Variants in PDE7B observed in about 807,000 individuals in gnomAD.
The protein encoded by PDE7B is 3',5'-cyclic-AMP phosphodiesterase 7B.
Under a neutral mutation model 56.2 loss-of-function variants are expected in PDE7B, and 29 were observed. The observed-to-expected ratio is 0.52, with a 90% CI of 0.38 to 0.70. The LOEUF (loss-of-function observed/expected upper bound fraction) is 0.70, where lower values mean the gene tolerates loss of function less well. PDE7B is among the 30% of genes least tolerant of loss of function. The pLI is 0.00. For synonymous variants in PDE7B, 197 were observed against 196.9 expected (o/e 1.00, Z 0.00); for missense variants, 490 against 565.0 (o/e 0.87, Z 1.35).
intron 2 of PDE7B, among the ~76,000 whole-genome samples, chr6:135,999,319 A>ATC (rs964899020): frequency 2.8e-4 from 42 of 152,324 alleles, no homozygotes; most frequent in Middle Eastern, 3.4e-3. Flanking sequence ...TAACACAGAT[A>ATC]AACTTGTGTC....
At position 136,192,801 on chromosome 6, in the gene PDE7B, CCTTAA is replaced by C. The variant is rs1284622825; in HGVS notation, c.*965_*969del. The stretch of plus-strand genomic sequence containing the variant: ...ATATACTATTGTTTGCAGATAAAGG[CCTTAA>C]CTTTAAACATCTTTCATCTTCTGAA... On this transcript the variant is annotated 3_prime_UTR_variant, in exon 13 of 13. Transcript: ENST00000308191. 2 of 152,574 alleles carry C rather than the reference CCTTAA, an allele frequency of 1.3e-5. No individual in the cohort carries two copies. The highest frequency in any genetic ancestry group is 4.8e-5 in the African/African-American group (2 of 41,420). The allele number at this position is 152,574 out of a possible 1,614,324, so 9.5% of individuals were successfully genotyped here.
chr6:136,001,787 T>C (rs1418772572), intron 2 of PDE7B, among the ~76,000 whole-genome samples: 2 of 152,048 alleles, frequency 1.3e-5, no homozygotes, highest in African/African-American at 4.8e-5. Flanking sequence ...CAGGATATTA[T>C]CCAGGAGAAC....
intron 2 of PDE7B, chr6:136,095,790 G>C (rs1160837100): frequency 6.6e-6 from 1 of 152,200 alleles, no homozygotes; most frequent in Non-Finnish European, 1.5e-5. Flanking sequence ...TTGTCTCTCA[G>C]AGGATGATAT....
At chr6:135,860,631 T>C (rs909183029) in intron 1 of PDE7B, among the ~76,000 whole-genome samples, 5 of 152,004 alleles carry the variant, frequency 3.3e-5, no homozygotes, top group African/African-American at 1.2e-4. Context: ...TAGATTAAGG[T>C]GTTTCTAATA....
chr6:135,913,966 A>T (rs1413101001), intron 1 of PDE7B, among the ~76,000 whole-genome samples: 3 of 152,184 alleles, frequency 2.0e-5, no homozygotes, highest in Non-Finnish European at 4.4e-5. Context: ...AGTGATTGAC[A>T]TATGTTTTCC....
intron 2 of PDE7B, among the ~76,000 whole-genome samples, chr6:135,978,151 G>A (rs1039301943): frequency 6.6e-6 from 1 of 152,080 alleles, no homozygotes; most frequent in Non-Finnish European, 1.5e-5. Flanking sequence ...TACGCACCCA[G>A]GCTATGTGCT....
chr6:135,990,378 G>A (rs1281275324), intron 2 of PDE7B, among the ~76,000 whole-genome samples: 10 of 152,170 alleles, frequency 6.6e-5, no homozygotes, highest in Non-Finnish European at 1.3e-4. Context: ...TTACAGGCGT[G>A]AGCTACTATG....
intron 1 of PDE7B, among the ~76,000 whole-genome samples, chr6:135,935,089 T>TG (rs1774387616): frequency 9.3e-5 from 8 of 86,354 alleles, no homozygotes; most frequent in African/African-American, 4.1e-4. Context: ...AATAAATATA[T>TG]AATATATATT....
At chr6:136,144,700 G>A (rs1778386335) in intron 3 of PDE7B, among the ~76,000 whole-genome samples, 1 of 133,628 alleles carries the variant, frequency 7.5e-6, no homozygotes, top group Non-Finnish European at 1.7e-5. Flanking sequence ...ACCTAAGGCT[G>A]TCTTTGTCTT....
At chr6:136,163,447 C>G (rs1351846563) in intron 8 of PDE7B, among the ~76,000 whole-genome samples, 2 of 152,226 alleles carry the variant, frequency 1.3e-5, no homozygotes, top group South Asian at 2.1e-4. Context: ...GCCCTAGGCC[C>G]TGGCCCAGGA....
chr6:135,977,566 G>A (rs1775208268), intron 2 of PDE7B, among the ~76,000 whole-genome samples: 1 of 152,130 alleles, frequency 6.6e-6, no homozygotes, highest in South Asian at 2.1e-4. Flanking sequence ...CCATACCCTT[G>A]TCAAAGGAGG....
intron 1 of PDE7B, among the ~76,000 whole-genome samples, chr6:135,938,858 G>A (rs1483574005): frequency 6.6e-6 from 1 of 152,186 alleles, no homozygotes; most frequent in Non-Finnish European, 1.5e-5. Context: ...CTGCATTTTG[G>A]AAGTTTGCTT....
chr6:136,010,879 TG>T (rs1775880608), intron 2 of PDE7B, among the ~76,000 whole-genome samples: 1 of 152,272 alleles, frequency 6.6e-6, no homozygotes, highest in African/African-American at 2.4e-5. Flanking sequence ...GTCTGAGTTC[TG>T]ATGGGCTGTT....
chr6:135,963,797 T>C (rs1774946853), intron 2 of PDE7B, among the ~76,000 whole-genome samples: 1 of 152,182 alleles, frequency 6.6e-6, no homozygotes, highest in South Asian at 2.1e-4. Flanking sequence ...ACTTGATTTG[T>C]CTTTAGAGTG....
chr6:136,108,963 C>G (rs1777701746), intron 3 of PDE7B, 149 bp downstream of exon 3: 1 of 639,136 alleles, frequency 1.6e-6, no homozygotes, highest in African/African-American at 1.8e-5. Context: ...AACCCTTTGT[C>G]TTTGAGTTTC....
chr6:135,880,415 G>C (rs1449756098), intron 1 of PDE7B, among the ~76,000 whole-genome samples: 1 of 152,184 alleles, frequency 6.6e-6, no homozygotes, highest in Non-Finnish European at 1.5e-5. Context: ...GATGGGTGGA[G>C]TCAAGAGGCA....
intron 2 of PDE7B, among the ~76,000 whole-genome samples, chr6:136,053,032 A>G (rs944419172): frequency 1.8e-4 from 28 of 152,172 alleles, no homozygotes; most frequent in African/African-American, 6.3e-4. Context: ...GGTAATTTAT[A>G]AAGGAAAGAG....
At chr6:136,079,130 T>C (rs1393700400) in intron 2 of PDE7B, among the ~76,000 whole-genome samples, 1 of 152,136 alleles carries the variant, frequency 6.6e-6, no homozygotes, top group Non-Finnish European at 1.5e-5. Context: ...TGTAAGCCCA[T>C]TGTAAATTGA....
At chr6:135,983,119 T>C (rs1237873749) in intron 2 of PDE7B, among the ~76,000 whole-genome samples, 1 of 152,246 alleles carries the variant, frequency 6.6e-6, no homozygotes, top group East Asian at 1.9e-4. Flanking sequence ...GAAATGAATC[T>C]CTAATGAGGG....
Sources: allele counts gnomAD v4.1 joint callset (sites outside exome capture counted in the v4.1 genomes callset), GRCh38; gene constraint gnomAD v4.1.1; transcripts MANE v1.5; gene names NCBI Gene and HGNC (gene_info 2026-07-23, HGNC 2026-07-21).